KCNIP4: variants seen among roughly 807,000 people sequenced by gnomAD.
The protein encoded by KCNIP4 is potassium voltage-gated channel interacting protein 4, also known as Kv channel-interacting protein 4.
KCNIP4 carries 12 observed loss-of-function variants against 34.0 expected under a neutral mutation model. The ratio of observed to expected loss-of-function variants is 0.35; its 90% confidence interval spans 0.23 to 0.57. The LOEUF (loss-of-function observed/expected upper bound fraction) is 0.57, where lower values mean the gene tolerates loss of function less well. Ranked by LOEUF, KCNIP4 falls within the 20% of genes least tolerant of loss-of-function variation. The probability of loss-of-function intolerance (pLI) is 0.83; values close to 1 mark genes in which losing one functional copy is unlikely to be tolerated. For synonymous variants in KCNIP4, 124 were observed against 102.2 expected, an observed-to-expected ratio of 1.21 and a Z score of -1.29; for missense variants, 238 against 311.7, an observed-to-expected ratio of 0.76 and a Z score of 1.78.
chr4:21,625,918 G>C (rs950377385), intron 1 of KCNIP4, among the ~76,000 whole-genome samples: 2 of 152,040 alleles, frequency 1.3e-5, no homozygotes, highest in African/African-American at 4.8e-5. Flanking sequence ...ATGAATATTT[G>C]GTTGGTTTAG....
At chr4:21,781,146 C>T (rs1174031625) in intron 1 of KCNIP4, among the ~76,000 whole-genome samples, 3 of 152,124 alleles carry the variant, frequency 2.0e-5, no homozygotes, top group East Asian at 1.9e-4. Flanking sequence ...GTGATTGGAT[C>T]GTGGGGGTGG....
At chr4:20,935,134 T>C (rs185018015) in intron 1 of KCNIP4, among the ~76,000 whole-genome samples, 2 of 152,278 alleles carry the variant, frequency 1.3e-5, no homozygotes, top group African/African-American at 4.8e-5. Flanking sequence ...CTTAACTTGA[T>C]TGCACCTAAA....
chr4:20,764,511 T>G (rs942494127), intron 3 of KCNIP4, among the ~76,000 whole-genome samples: 1 of 152,106 alleles, frequency 6.6e-6, no homozygotes, highest in African/African-American at 2.4e-5. Context: ...TCTTTATGAC[T>G]AATCCCAGAA....
intron 1 of KCNIP4, among the ~76,000 whole-genome samples, chr4:21,574,238 C>G (rs938138111): frequency 6.6e-6 from 1 of 152,042 alleles, no homozygotes; most frequent in Non-Finnish European, 1.5e-5. Context: ...TATCGTGTAC[C>G]TGAAATTTAC....
At chr4:21,897,876 G>A (rs571000842) in intron 1 of KCNIP4, among the ~76,000 whole-genome samples, 21 of 152,260 alleles carry the variant, frequency 1.4e-4, no homozygotes, top group Admixed American at 5.2e-4. Flanking sequence ...GAGGGAAGAC[G>A]GTTTTGTATG....
intron 1 of KCNIP4, among the ~76,000 whole-genome samples, chr4:21,355,481 T>G (rs1387928999): frequency 1.3e-5 from 2 of 152,020 alleles, no homozygotes; most frequent in Non-Finnish European, 2.9e-5. Context: ...TCACCACCGA[T>G]CCCACAGAAA....
At chr4:20,875,131 C>T (rs1057122397) in intron 2 of KCNIP4, among the ~76,000 whole-genome samples, 7 of 152,104 alleles carry the variant, frequency 4.6e-5, no homozygotes, top group African/African-American at 1.7e-4. Context: ...AAGGGGCTAC[C>T]ACCATCTTCC....
intron 1 of KCNIP4, among the ~76,000 whole-genome samples, chr4:21,381,734 C>G (rs1721525500): frequency 6.6e-6 from 1 of 152,160 alleles, no homozygotes; most frequent in Non-Finnish European, 1.5e-5. Flanking sequence ...TGGGTCTTCT[C>G]AGCCATTTTG....
At chr4:21,142,150 C>CAAAAA (rs369182504) in intron 1 of KCNIP4, among the ~76,000 whole-genome samples, 1 of 105,916 alleles carries the variant, frequency 9.4e-6, no homozygotes, top group Non-Finnish European at 1.9e-5. Context: ...GACACCGTCT[C>CAAAAA]AAAAAAAAAA....
chr4:20,946,028 A>T (rs371067922), intron 1 of KCNIP4, among the ~76,000 whole-genome samples: 10 of 152,212 alleles, frequency 6.6e-5, no homozygotes, highest in African/African-American at 2.4e-4. Context: ...GTATCCACTC[A>T]TTAAAAAAAT....
At chr4:20,971,407 T>G (rs112353124) in intron 1 of KCNIP4, among the ~76,000 whole-genome samples, 1 of 152,122 alleles carries the variant, frequency 6.6e-6, no homozygotes, top group African/African-American at 2.4e-5. Context: ...AATACAGCCA[T>G]ACCTCAAAGA....
intron 3 of KCNIP4, among the ~76,000 whole-genome samples, chr4:20,794,221 C>A (rs1444356725): frequency 1.3e-5 from 2 of 152,194 alleles, no homozygotes; most frequent in Non-Finnish European, 2.9e-5. Flanking sequence ...TGATACACCT[C>A]ACATGAGCAG....
intron 1 of KCNIP4, among the ~76,000 whole-genome samples, chr4:21,131,532 C>T (rs1411008419): frequency 1.3e-5 from 2 of 152,152 alleles, no homozygotes; most frequent in Non-Finnish European, 2.9e-5. Context: ...ACGGAGTGAA[C>T]CCGGGAGGCG....
chr4:21,683,484 T>G (rs1474007209), intron 1 of KCNIP4, among the ~76,000 whole-genome samples: 1 of 6,316 alleles, frequency 1.6e-4, no homozygotes, highest in African/African-American at 5.8e-4. Flanking sequence ...TTTTTTTTTT[T>G]TGAGACAGAG....
chr4:21,340,771 A>G (rs1716683223), intron 1 of KCNIP4, among the ~76,000 whole-genome samples: 1 of 152,134 alleles, frequency 6.6e-6, no homozygotes, highest in Non-Finnish European at 1.5e-5. Flanking sequence ...ATGGCCAAGT[A>G]TATTTGTGGG....
intron 1 of KCNIP4, among the ~76,000 whole-genome samples, chr4:21,490,264 T>C (rs1417077414): frequency 6.6e-6 from 1 of 152,170 alleles, no homozygotes; most frequent in East Asian, 1.9e-4. Flanking sequence ...TAACATTAAT[T>C]CAACTACTTT....
rs71191517 is a variant in KCNIP4, at chr4:21,538,011, C to CAAA, written c.61+410557_61+410559dup. Among the ~76,000 whole-genome samples, 23 of 51,264 alleles carry CAAA rather than the reference C, an allele frequency of 4.5e-4. 1 individual carries two copies. Among genetic ancestry groups the CAAA allele is most frequent in the African/African-American group, 9.2e-4 (12 of 13,114 alleles). The allele number at this position is 51,264 out of a possible 152,430, so 33.6% of individuals were successfully genotyped here. ...TAGGTGACAGAGTGAGATTCCGTCT[C>CAAA]AAAAAAAAAAAAAAAAAAAAAAAAA... On this transcript the variant is annotated intron_variant, in intron 1 of 8. Coordinates refer to ENST00000382152, the MANE Select transcript of KCNIP4 (RefSeq NM_025221.6).
intron 1 of KCNIP4, among the ~76,000 whole-genome samples, chr4:21,098,074 G>A (rs1220818896): frequency 6.6e-6 from 1 of 152,134 alleles, no homozygotes; most frequent in Non-Finnish European, 1.5e-5. Context: ...AACTAGCCAC[G>A]ATATTCCCTT....
chr4:21,795,101 T>G (rs923640921), intron 1 of KCNIP4, among the ~76,000 whole-genome samples: 1 of 152,120 alleles, frequency 6.6e-6, no homozygotes, highest in African/African-American at 2.4e-5. Context: ...GAGATTGTAT[T>G]CGGAGACAGG....
Sources: allele counts gnomAD v4.1 joint callset (sites outside exome capture counted in the v4.1 genomes callset), GRCh38; gene constraint gnomAD v4.1.1; transcripts MANE v1.5; gene names NCBI Gene and HGNC (gene_info 2026-07-23, HGNC 2026-07-21).